The following RPS29 variants were observed in gnomAD, a reference collection of about 807,000 sequenced individuals.
RPS29 encodes small ribosomal subunit protein uS14.
For missense variants in RPS29, 60 were observed against 75.7 expected (o/e 0.79, Z 0.77); for synonymous variants, 37 against 26.9 (o/e 1.37, Z -1.16).
chr14:49,588,634 TCTC>T (rs1881644834), upstream of RPS29, among the ~76,000 whole-genome samples: 1 of 152,006 alleles, frequency 6.6e-6, no homozygotes, highest in African/African-American at 2.4e-5. Flanking sequence ...TTCAAGGGAT[TCTC>T]CTGCCTCAGC....
intron 2 of RPS29, among the ~76,000 whole-genome samples, chr14:49,584,715 T>C (rs902852893): frequency 6.6e-6 from 1 of 150,558 alleles, no homozygotes; most frequent in Admixed American, 6.6e-5. Context: ...TGAGCTGAGA[T>C]CACGCCACTG....
intron 1 of RPS29, among the ~76,000 whole-genome samples, chr14:49,595,356 CAGG>C (rs1391672730): frequency 6.6e-6 from 1 of 151,984 alleles, no homozygotes; most frequent in African/African-American, 2.4e-5. Flanking sequence ...GAGGCTGAGG[CAGG>C]AGGACAGCTT....
upstream of RPS29, among the ~76,000 whole-genome samples, chr14:49,589,043 A>C (rs866646869): frequency 6.6e-6 from 1 of 151,696 alleles, no homozygotes; most frequent in Non-Finnish European, 1.5e-5. Flanking sequence ...AGCGCCCGCC[A>C]CCATGCCCGG....
exon 3 of RPS29, chr14:49,575,599 C>T (rs1259289201): frequency 6.6e-6 from 1 of 152,200 alleles, no homozygotes; most frequent in African/African-American, 2.4e-5. Context: ...GTGATCCCAA[C>T]ACTTTGGGAG....
At chr14:49,574,836 G>A (rs1205824570) in exon 3 of RPS29, 1 of 152,322 alleles carries the variant, frequency 6.6e-6, no homozygotes, top group East Asian at 1.9e-4. Flanking sequence ...AACAGAAATC[G>A]AGGAAGATGA....
At chr14:49,593,502 G>T (rs948606596) in intron 1 of RPS29, among the ~76,000 whole-genome samples, 1 of 151,962 alleles carries the variant, frequency 6.6e-6, no homozygotes, top group Non-Finnish European at 1.5e-5. Context: ...TTAGGAGTTT[G>T]AGACCAGCCT....
chr14:49,586,134 T>G, intron 1 of RPS29, 85 bp from the exon 2 acceptor site: 1 of 1,426,836 alleles, frequency 7.0e-7, no homozygotes, highest in Non-Finnish European at 9.9e-7. Flanking sequence ...ATCCCGGGAC[T>G]CCCAAGCCAC....
chr14:49,591,580 G>T (rs956680641), intron 1 of RPS29, among the ~76,000 whole-genome samples: 10 of 151,570 alleles, frequency 6.6e-5, no homozygotes, highest in Admixed American at 6.6e-4. Flanking sequence ...CCAAAGTGCT[G>T]GGATTACAGG....
chr14:49,586,886 A>ACGTTTG (rs1566483579), upstream of RPS29: 1 of 158,326 alleles, frequency 6.3e-6, no homozygotes, highest in Non-Finnish European at 1.4e-5. Context: ...TCTTTTGAAC[A>ACGTTTG]ATAAATACGT....
exon 3 of RPS29, chr14:49,577,187 G>A (rs1448643293): frequency 6.5e-6 from 1 of 153,114 alleles, no homozygotes; most frequent in Admixed American, 6.5e-5. Context: ...GTTGCAGAGA[G>A]CTGAGCTTGC....
downstream of RPS29, among the ~76,000 whole-genome samples, chr14:49,579,630 C>T (rs1054284708): frequency 1.3e-5 from 2 of 152,224 alleles, no homozygotes; most frequent in African/African-American, 4.8e-5. Flanking sequence ...GCCATCAACA[C>T]TTATTGAGCT....
chr14:49,598,464 C>T, exon 1 of RPS29: 1 of 702,364 alleles, frequency 1.4e-6, no homozygotes, highest in South Asian at 1.5e-5. Flanking sequence ...TAAAGCCCCC[C>T]TTCGACGTGC....
upstream of RPS29, among the ~76,000 whole-genome samples, chr14:49,588,152 A>C (rs1881630507): frequency 1.3e-5 from 2 of 152,202 alleles, no homozygotes; most frequent in Admixed American, 6.5e-5. Flanking sequence ...CAATATTTAA[A>C]ACATTACAGT....
chr14:49,579,160 G>A (rs903230680), downstream of RPS29, among the ~76,000 whole-genome samples: 1 of 152,116 alleles, frequency 6.6e-6, no homozygotes, highest in Non-Finnish European at 1.5e-5. Context: ...AACCCTCATG[G>A]GAGTAGTTCC....
downstream of RPS29, among the ~76,000 whole-genome samples, chr14:49,580,788 G>A (rs1477635723): frequency 6.6e-6 from 1 of 152,118 alleles, no homozygotes; most frequent in Non-Finnish European, 1.5e-5. Context: ...GGCAGGCTGA[G>A]GCAGGAGAAT....
At chr14:49,586,596 C>T (rs1434130903), upstream of RPS29, 2 of 523,690 alleles carry the variant, frequency 3.8e-6, no homozygotes, top group African/African-American at 1.9e-5. Context: ...CGCGGTGGCG[C>T]GTGCCTGTAG....
At chr14:49,585,324 C>A (rs1203574701) in intron 2 of RPS29, 1 of 150,738 alleles carries the variant, frequency 6.6e-6, no homozygotes, top group Non-Finnish European at 1.5e-5. Context: ...GCGGAGATCA[C>A]GCCATCGCAC....
chr14:49,588,652 C>G (rs1303006811), upstream of RPS29, among the ~76,000 whole-genome samples: 1 of 151,888 alleles, frequency 6.6e-6, no homozygotes, highest in Non-Finnish European at 1.5e-5. Flanking sequence ...CTCAGCCTCC[C>G]GAGTTGCTGA....
upstream of RPS29, among the ~76,000 whole-genome samples, chr14:49,589,232 A>G (rs1056340034): frequency 6.6e-6 from 1 of 151,582 alleles, no homozygotes; most frequent in African/African-American, 2.4e-5. Context: ...TTTAGAACAC[A>G]TTTTCCTTTA....
Sources: allele counts gnomAD v4.1 joint callset (sites outside exome capture counted in the v4.1 genomes callset), GRCh38; gene constraint gnomAD v4.1.1; transcripts MANE v1.5; gene names NCBI Gene and HGNC (gene_info 2026-07-23, HGNC 2026-07-21).